The following BOP1 variants were observed in gnomAD, a reference collection of about 807,000 sequenced individuals.
The protein encoded by BOP1 is ribosome biogenesis protein BOP1.
In BOP1, 54 loss-of-function variants were observed where a neutral mutation model predicts 82.9. The ratio of observed to expected loss-of-function variants is 0.65; its 90% CI spans 0.52 to 0.82. BOP1 has a LOEUF of 0.82. Ranked by LOEUF, BOP1 falls within the 40% of genes least tolerant of loss-of-function variation. BOP1 has a pLI of 0.00. For missense variants in BOP1, 1,170 were observed against 1,072.0 expected (o/e 1.09, Z -1.28); for synonymous variants, 566 against 451.1 (o/e 1.25, Z -3.23).
Position 144,262,505 on chromosome 8 carries a change from TG to T in BOP1, c.1980-3del. The T allele has an allele frequency of 1.9e-6, 3 of 1,612,694 alleles. No homozygotes were observed. The highest frequency in any genetic ancestry group is 2.2e-5 in the East Asian group (1 of 44,834). On this transcript the variant is annotated splice_polypyrimidine_tract_variant and splice_region_variant and intron_variant, in intron 14 of 15. Coordinates refer to ENST00000569669, the MANE Select transcript of BOP1 (RefSeq NM_015201.5). Reference sequence around the variant, plus strand: ...GCCCGCAGAGCCTTCTTGTGGTGTCTGGGGGGAGGGAACCAGGTTGAAGGCA... The same window carrying T: ...GCCCGCAGAGCCTTCTTGTGGTGTCTGGGGGAGGGAACCAGGTTGAAGGCA...
At chr8:144,290,800 A>T (rs1815038175) in intron 1 of BOP1, among the ~76,000 whole-genome samples, 1 of 152,172 alleles carries the variant, frequency 6.6e-6, no homozygotes, top group South Asian at 2.1e-4. Flanking sequence ...ACCCAATTTG[A>T]TGATCCCCAC....
intron 3 of BOP1, chr8:144,268,318 C>G (rs887269198): frequency 6.7e-6 from 6 of 890,604 alleles, no homozygotes; most frequent in Non-Finnish European, 1.0e-5. Flanking sequence ...AGACAGGCGC[C>G]GGCAGCGGGA....
Position 144,291,322 on chromosome 8 carries a change from G to A in BOP1, c.49C>T (p.Pro17Ser). Residue 17 changes from proline to serine, a missense_variant, in exon 1 of 16, where the codon CCG becomes TCG. Physicochemically the swap from Pro to Ser is moderately conservative, Grantham distance 74. Coordinates refer to ENST00000569669, the MANE Select transcript of BOP1 (RefSeq NM_015201.5). The surrounding 1 kb of genome is among the most constrained non-coding windows in gnomAD (Gnocchi z 4.1). ...TCGGGCTCAGACCGCCGCTTCTCCG[G>A]CCGCACGCTCGGCGCCGCCGTGCGC... Reference protein sequence around the residue: ...AGRTAAPSVRPEKRRSEPELE... With the variant: ...AGRTAAPSVRSEKRRSEPELE... 7.0e-7 allele frequency: 1 copy of A among 1,435,476 alleles called. No individual in the cohort carries two copies. The highest frequency in any genetic ancestry group is 9.1e-7 in the Non-Finnish European group (1 of 1,093,104). The allele number at this position is 1,435,476 out of a possible 1,614,324, so 88.9% of individuals were successfully genotyped here.
intron 3 of BOP1, among the ~76,000 whole-genome samples, chr8:144,267,450 C>T (rs1174374811): frequency 6.6e-6 from 1 of 152,236 alleles, no homozygotes; most frequent in East Asian, 1.9e-4. Context: ...AGGGGCCCAC[C>T]CAGGGCGGGG....
At chr8:144,287,914 G>A (rs1389618910) in intron 2 of BOP1, among the ~76,000 whole-genome samples, 1 of 152,136 alleles carries the variant, frequency 6.6e-6, no homozygotes, top group African/African-American at 2.4e-5. Flanking sequence ...GTAACTTCCA[G>A]AACACCGAAA....
chr8:144,281,115 CTCAGTTTAATACCAGGTCTTAGGCCTTCT>C (rs1588604012), intron 2 of BOP1, among the ~76,000 whole-genome samples: 1 of 146,050 alleles, frequency 6.8e-6, no homozygotes, highest in East Asian at 2.1e-4. Context: ...TCGGCCTTCT[CTCAGTTTAATACCAGGTCTTAGGCCTTCT>C]CTCAGTTTAA....
Position 144,264,250 on chromosome 8 carries a change from G to T in BOP1, c.953C>A (p.Pro318His). ...CTCCTCCTCGCTGAGCAGGTATTCA[G>T]GGGGTGGGTTGTACGACTCGGCGTG... Reference protein sequence around the residue: ...PGHAESYNPPPEYLLSEEERL... With the variant: ...PGHAESYNPPHEYLLSEEERL... Residue 318 changes from proline to histidine, a missense_variant, in exon 7 of 16, where the codon CCT becomes CAT. Coordinates refer to ENST00000569669, the MANE Select transcript of BOP1 (RefSeq NM_015201.5). 6.2e-7 allele frequency: 1 copy of T among 1,610,330 alleles called. No homozygotes were observed. Among genetic ancestry groups the T allele is most frequent in the East Asian group, 2.2e-5 (1 of 44,836 alleles).
intron 5 of BOP1, 46 bp downstream of exon 5, chr8:144,264,668 T>C (rs1192956303): frequency 5.7e-6 from 9 of 1,565,268 alleles, no homozygotes; most frequent in Non-Finnish European, 6.9e-6. Flanking sequence ...GCCCTGCTGG[T>C]GCCTCCAGGA....
rs1169068213 is a variant in BOP1, at chr8:144,263,361, G to A, written c.1465C>T (p.Arg489Trp). The A allele has an allele frequency of 2.1e-5, 33 of 1,596,782 alleles. No homozygotes were observed. Among genetic ancestry groups the A allele is most frequent in the African/African-American group, 2.7e-5 (2 of 74,864 alleles). Residue 489 changes from arginine (R) to tryptophan (W), a missense_variant, in exon 12 of 16, where the codon CGG becomes TGG. Physicochemically the swap from Arg to Trp is moderately radical, Grantham distance 101 (BLOSUM62 -3). Coordinates refer to ENST00000569669, the MANE Select transcript of BOP1 (RefSeq NM_015201.5). ...VLLLNPALGD[R>W]LVAGSTDQLL... ...TGATCTGTGCTGCCCGCCACCAGCC[G>A]GTCCCCCAGAGCTGGGTTCAGCAGC...
rs1169196999 is a variant in BOP1 at position 144,262,283 on chromosome 8, T to C, written c.2122A>G (p.Lys708Glu). ...GTCAGCACGTGTCCCTTCAGCACCT[T>C]GACGGGCACCAGCAAGGGGTTCTGC... Reference protein sequence around the residue: ...LLQNPLLVPVKVLKGHVLTRD... With the variant: ...LLQNPLLVPVEVLKGHVLTRD... The change falls in exon 16 of 16, where the codon AAG (lysine) becomes GAG (glutamate). Residue 708 changes from lysine to glutamate, a missense_variant. Transcript: ENST00000569669. 1 of 1,612,648 alleles carries C rather than the reference T, an allele frequency of 6.2e-7. No individual in the cohort carries two copies. Among genetic ancestry groups the C allele is most frequent in the Non-Finnish European group, 8.5e-7 (1 of 1,179,808 alleles).
chr8:144,290,230 T>C (rs1815005501), intron 1 of BOP1, among the ~76,000 whole-genome samples: 1 of 150,888 alleles, frequency 6.6e-6, no homozygotes, highest in East Asian at 1.9e-4. Flanking sequence ...GGCGGGCACC[T>C]CTAATCCCAG....
chr8:144,278,425 A>G (rs1845608592), intron 2 of BOP1, among the ~76,000 whole-genome samples: 1 of 152,168 alleles, frequency 6.6e-6, no homozygotes, highest in Non-Finnish European at 1.5e-5. Flanking sequence ...TTGTGACCAC[A>G]CCAGAGCCTC....
intron 3 of BOP1, among the ~76,000 whole-genome samples, chr8:144,269,558 G>C (rs1845458127): frequency 6.6e-6 from 1 of 152,250 alleles, no homozygotes; most frequent in African/African-American, 2.4e-5. Context: ...TTAAGGGCTA[G>C]AGGGGGGCTG....
At chr8:144,278,099 G>T (rs2130244175) in intron 2 of BOP1, among the ~76,000 whole-genome samples, 1 of 152,208 alleles carries the variant, frequency 6.6e-6, no homozygotes, top group East Asian at 1.9e-4. Context: ...CTGAGGAGGG[G>T]TCGGGCCCGA....
At position 144,269,376 on chromosome 8, in the gene BOP1, G is replaced by A. The variant is rs1453936093; in HGVS notation, c.391-4305C>T. Among the ~76,000 whole-genome samples, 5 of 152,334 alleles carry A rather than the reference G, an allele frequency of 3.3e-5. No homozygotes were observed. The East Asian group carries it at 5.8e-4, about 18-fold the overall frequency. On this transcript the variant is annotated intron_variant, in intron 3 of 15. Transcript: ENST00000569669. ...GGGCGGCGGCCGGCCCCAGTTCCCC[G>A]CTAGCACAGGCAGGGACGCACCCTC...
intron 1 of BOP1, among the ~76,000 whole-genome samples, chr8:144,290,011 G>A (rs1396274088): frequency 6.6e-6 from 1 of 152,192 alleles, no homozygotes; most frequent in Non-Finnish European, 1.5e-5. Context: ...GGCACACACA[G>A]TGTTCGGGTC....
intron 3 of BOP1, among the ~76,000 whole-genome samples, chr8:144,274,982 C>T (rs1588598410): frequency 1.3e-5 from 2 of 152,182 alleles, no homozygotes; most frequent in Non-Finnish European, 2.9e-5. Context: ...CCCGCTGCTC[C>T]GGCCAGGAAA....
chr8:144,266,781 G>T, intron 3 of BOP1: 3 of 1,099,098 alleles, frequency 2.7e-6, no homozygotes, highest in Non-Finnish European at 3.3e-6. Context: ...GGCGGAGGGC[G>T]GGGGGCCGGC....
At position 144,276,219 on chromosome 8, in the gene BOP1, C is replaced by T; in HGVS notation, c.390+5G>A. 6.2e-7 allele frequency: 1 copy of T among 1,613,102 alleles called. No individual in the cohort carries two copies. Among genetic ancestry groups the T allele is most frequent in the Non-Finnish European group, 8.5e-7 (1 of 1,179,778 alleles). On this transcript the variant is annotated splice_donor_5th_base_variant and intron_variant, in intron 3 of 15. Transcript: ENST00000569669. ...CTGCCCAGTGGGAAGCAGCCCCAGT[C>T]CTACCTCCTCATCAGAGCTGTCCTC...
Sources: allele counts gnomAD v4.1 joint callset (sites outside exome capture counted in the v4.1 genomes callset), GRCh38; gene constraint gnomAD v4.1.1; non-coding constraint Gnocchi (gnomAD v3.1); transcripts MANE v1.5; gene names NCBI Gene and HGNC (gene_info 2026-07-23, HGNC 2026-07-21).